NRG1: variants seen among roughly 807,000 people sequenced by gnomAD.
NRG1 encodes the protein pro-neuregulin-1, membrane-bound isoform.
In NRG1, 18 loss-of-function variants were observed where a neutral mutation model predicts 63.8. The ratio of observed to expected loss-of-function variants is 0.28; its 90% confidence interval spans 0.19 to 0.42. The LOEUF is 0.42. NRG1 is among the 10% of genes least tolerant of loss of function. NRG1 has a pLI of 1.00. For synonymous variants in NRG1, 302 were observed against 301.3 expected (o/e 1.00, Z -0.02); for missense variants, 762 against 814.7 (o/e 0.94, Z 0.79).
At chr8:32,075,049 C>T (rs1267595257) in intron 1 of NRG1, among the ~76,000 whole-genome samples, 1 of 152,224 alleles carries the variant, frequency 6.6e-6, no homozygotes, top group Non-Finnish European at 1.5e-5. Context: ...TTAATAGCAG[C>T]TTACCTTGTG....
intron 1 of NRG1, among the ~76,000 whole-genome samples, chr8:32,589,500 T>C (rs1482750610): frequency 2.0e-5 from 3 of 152,248 alleles, no homozygotes; most frequent in Non-Finnish European, 4.4e-5. Context: ...GCTGGGATCA[T>C]AGCTGAAAGC....
chr8:32,233,235 G>T (rs541940674), intron 1 of NRG1, among the ~76,000 whole-genome samples: 1 of 151,988 alleles, frequency 6.6e-6, no homozygotes, highest in East Asian at 1.9e-4. Flanking sequence ...CCCAGTAGCT[G>T]GGACTACAGG....
At chr8:31,702,898 A>T (rs1466920988) in intron 1 of NRG1, among the ~76,000 whole-genome samples, 1 of 151,886 alleles carries the variant, frequency 6.6e-6, no homozygotes, top group Non-Finnish European at 1.5e-5. Flanking sequence ...ACATTTCTCA[A>T]ATTGTTTACA....
intron 1 of NRG1, among the ~76,000 whole-genome samples, chr8:32,499,507 A>T (rs1827603565): frequency 1.3e-5 from 2 of 151,824 alleles, no homozygotes; most frequent in South Asian, 4.2e-4. Flanking sequence ...ACACAGTGTG[A>T]CTCCATCTCT....
At chr8:32,560,925 C>T (rs1836272575) in intron 1 of NRG1, among the ~76,000 whole-genome samples, 1 of 152,120 alleles carries the variant, frequency 6.6e-6, no homozygotes, top group Non-Finnish European at 1.5e-5. Context: ...ACCGCTGTTC[C>T]TGGTAGGTAA....
At chr8:32,484,609 T>C (rs556170455) in intron 1 of NRG1, among the ~76,000 whole-genome samples, 6 of 152,298 alleles carry the variant, frequency 3.9e-5, no homozygotes, top group Admixed American at 2.6e-4. Flanking sequence ...CTTTTTTTTT[T>C]CTTTCTCCTA....
At chr8:31,668,992 A>C (rs1465270287) in intron 1 of NRG1, among the ~76,000 whole-genome samples, 2 of 152,158 alleles carry the variant, frequency 1.3e-5, no homozygotes, top group Non-Finnish European at 2.9e-5. Flanking sequence ...TCTAAACATG[A>C]AGTTCATTTA....
At chr8:32,042,286 G>T (rs755839079) in intron 1 of NRG1, among the ~76,000 whole-genome samples, 16 of 151,404 alleles carry the variant, frequency 1.1e-4, no homozygotes, top group Non-Finnish European at 1.9e-4. Context: ...CTAGGAAAAA[G>T]AAAAAATAAA....
At chr8:32,260,647 C>T (rs1434106631) in intron 1 of NRG1, among the ~76,000 whole-genome samples, 1 of 152,138 alleles carries the variant, frequency 6.6e-6, no homozygotes, top group Non-Finnish European at 1.5e-5. Context: ...TCTTCATGTC[C>T]TTCCAGGGCC....
chr8:32,015,035 AC>A (rs745586412), intron 1 of NRG1, among the ~76,000 whole-genome samples: 1 of 152,040 alleles, frequency 6.6e-6, no homozygotes. Flanking sequence ...CCCTGCCAAC[AC>A]CTTGATTTCA....
chr8:31,672,372 T>G (rs1481339233), intron 1 of NRG1, among the ~76,000 whole-genome samples: 1 of 152,164 alleles, frequency 6.6e-6, no homozygotes, highest in East Asian at 1.9e-4. Flanking sequence ...AAATGTCATA[T>G]TCATTTAACA....
At chr8:31,919,490 T>G (rs1357062870) in intron 1 of NRG1, among the ~76,000 whole-genome samples, 1 of 151,704 alleles carries the variant, frequency 6.6e-6, no homozygotes, top group Non-Finnish European at 1.5e-5. Context: ...TGTGCAGAGG[T>G]TTAGGTATTT....
intron 11 of NRG1, among the ~76,000 whole-genome samples, chr8:32,761,549 C>T (rs1432145201): frequency 6.7e-6 from 1 of 149,642 alleles, no homozygotes; most frequent in Non-Finnish European, 1.5e-5. Flanking sequence ...TGTTTGTTTG[C>T]AAGTCCGCTG....
At chr8:31,723,767 T>G (rs548598550) in intron 1 of NRG1, among the ~76,000 whole-genome samples, 1 of 152,118 alleles carries the variant, frequency 6.6e-6, no homozygotes, top group Non-Finnish European at 1.5e-5. Context: ...AGGCTGGAGG[T>G]CCTATCTCTA....
intron 1 of NRG1, among the ~76,000 whole-genome samples, chr8:32,281,027 G>A (rs1586597511): frequency 6.6e-6 from 1 of 151,116 alleles, no homozygotes; most frequent in East Asian, 2.0e-4. Flanking sequence ...CCAAAGTGCT[G>A]GGATTACAGG....
intron 1 of NRG1, among the ~76,000 whole-genome samples, chr8:32,082,729 G>T (rs987532430): frequency 6.6e-6 from 1 of 152,094 alleles, no homozygotes; most frequent in Non-Finnish European, 1.5e-5. Context: ...TCTAAGATCT[G>T]ATTTAAGAAC....
At chr8:32,763,176 C>T in intron 11 of NRG1, 1 of 1,595,784 alleles carries the variant, frequency 6.3e-7, no homozygotes, top group Non-Finnish European at 8.6e-7. Context: ...ACACTGTTGT[C>T]AGGAATAAAT....
At chr8:31,864,556 G>A (rs1373588235) in intron 1 of NRG1, among the ~76,000 whole-genome samples, 1 of 152,126 alleles carries the variant, frequency 6.6e-6, no homozygotes, top group Non-Finnish European at 1.5e-5. Context: ...GGGGAATGAG[G>A]TGCATTCAAG....
chr8:32,599,208 A>G (rs774988495), intron 2 of NRG1, among the ~76,000 whole-genome samples: 13 of 152,076 alleles, frequency 8.5e-5, no homozygotes, highest in Non-Finnish European at 1.6e-4. Context: ...TATTCAGACT[A>G]TTAGTGTTTT....
Sources: allele counts gnomAD v4.1 joint callset (sites outside exome capture counted in the v4.1 genomes callset), GRCh38; gene constraint gnomAD v4.1.1; transcripts MANE v1.5; gene names NCBI Gene and HGNC (gene_info 2026-07-23, HGNC 2026-07-21).